REXO1: variants seen among roughly 807,000 people sequenced by gnomAD.
REXO1 encodes RNA exonuclease 1 homolog.
REXO1 carries 42 observed loss-of-function variants against 102.6 expected under a neutral mutation model. The ratio of observed to expected loss-of-function variants is 0.41; its 90% CI spans 0.32 to 0.53. REXO1 has a LOEUF of 0.53. Among genes scored for constraint, REXO1 ranks in the 20% least tolerant of loss-of-function variants. REXO1 has a pLI of 0.27. For synonymous variants in REXO1, 908 were observed against 779.1 expected, an observed-to-expected ratio of 1.17 and a Z score of -2.76; for missense variants, 1,819 against 1,732.5, an observed-to-expected ratio of 1.05 and a Z score of -0.89.
chr19:1,830,435 G>A (rs990373327), intron 1 of REXO1, among the ~76,000 whole-genome samples: 1 of 152,252 alleles, frequency 6.6e-6, no homozygotes, highest in Non-Finnish European at 1.5e-5. Context: ...CTTGAGCCCA[G>A]GGGCTTGAGG....
At position 1,828,050 on chromosome 19, in the gene REXO1, T is replaced by C. The variant is rs1265884100; in HGVS notation, c.739A>G (p.Arg247Gly). The C allele has an allele frequency of 6.2e-7, 1 of 1,612,926 alleles. No individual in the cohort carries two copies. Among genetic ancestry groups the C allele is most frequent in the Non-Finnish European group, 8.5e-7 (1 of 1,179,792 alleles). Residue 247 changes from arginine to glycine, a missense_variant, in exon 2 of 16, where the codon AGG (arginine) becomes GGG (glycine). Transcript: ENST00000170168. Reference protein sequence around the residue: ...LSNYSARHLSRASSRDERAAK... With the variant: ...LSNYSARHLSGASSRDERAAK... ...GCCCGCTCATCCCGGGAGCTGGCCC[T>C]GCTGAGGTGCCGGGCCGAGTAGTTG...
Position 1,826,169 on chromosome 19 carries a change from C to T in REXO1, c.1912-226G>A, listed in dbSNP as rs2069713957. Among the ~76,000 whole-genome samples, 1 of 152,144 alleles carries T rather than the reference C, an allele frequency of 6.6e-6. No homozygotes were observed. Among genetic ancestry groups the T allele is most frequent in the African/African-American group, 2.4e-5 (1 of 41,436 alleles). On this transcript the variant is annotated intron_variant, in intron 2 of 15. Coordinates refer to ENST00000170168, the MANE Select transcript of REXO1 (RefSeq NM_020695.4). This position sits in a 1 kb window ranked among gnomAD's most constrained non-coding sequence, Gnocchi z 4.3. The stretch of plus-strand genomic sequence containing the variant: ...TGCCCAAGGCTACCTCTCCTGGGCA[C>T]CCAGGGCCCCAGCTTGGAGACCCCA...
In REXO1 at chr19:1,816,006, G is replaced by C. The variant is rs1241593172; in HGVS notation, c.*60C>G. On this transcript the variant is annotated 3_prime_UTR_variant, in exon 16 of 16. Coordinates refer to ENST00000170168, the MANE Select transcript of REXO1 (RefSeq NM_020695.4). Reference sequence around the variant, plus strand: ...GGAGATTTATTGCACTGTTTTGGAAGAGGCATGGGGCTAAGGACCAGCGGG... The same window carrying C: ...GGAGATTTATTGCACTGTTTTGGAACAGGCATGGGGCTAAGGACCAGCGGG... 5 of 1,537,576 alleles carry C rather than the reference G, an allele frequency of 3.3e-6. No homozygotes were observed. Among genetic ancestry groups the C allele is most frequent in the Non-Finnish European group, 4.4e-6 (5 of 1,146,984 alleles).
At chr19:1,820,227 C>T in intron 6 of REXO1, 37 bp downstream of exon 6, 1 of 1,596,574 alleles carries the variant, frequency 6.3e-7, no homozygotes, top group South Asian at 1.1e-5. Context: ...CCCCTAGTCC[C>T]CACCCGACCG....
intron 1 of REXO1, among the ~76,000 whole-genome samples, chr19:1,832,002 C>T (rs951419387): frequency 5.3e-5 from 8 of 151,884 alleles, no homozygotes; most frequent in African/African-American, 1.7e-4. Flanking sequence ...CAGGCCACCT[C>T]ACTCAGCCAA....
chr19:1,847,984 T>C (rs1389973800), intron 1 of REXO1, among the ~76,000 whole-genome samples: 2 of 152,198 alleles, frequency 1.3e-5, no homozygotes, highest in Non-Finnish European at 1.5e-5. Flanking sequence ...GTCCTCCTAG[T>C]TGACATTTCA....
In REXO1 at chr19:1,818,843, CCT is replaced by C; in HGVS notation, c.2765-2_2765-1del. The stretch of plus-strand genomic sequence containing the variant: ...CCTGAGGCGGCTGTACAGGGCAGCC[CCT>C]GTGGACAGGCACAGTGGTCAGCCCC... On this transcript the variant is annotated splice_acceptor_variant, in intron 8 of 15. Coordinates refer to ENST00000170168, the MANE Select transcript of REXO1 (RefSeq NM_020695.4). LOFTEE classifies it high-confidence loss of function. 1 of 1,609,274 alleles carries C rather than the reference CCT, an allele frequency of 6.2e-7. No individual in the cohort carries two copies. Among genetic ancestry groups the C allele is most frequent in the Non-Finnish European group, 8.5e-7 (1 of 1,179,598 alleles).
chr19:1,821,026 AAAAAC>A (rs1568685378), intron 5 of REXO1, among the ~76,000 whole-genome samples: 1 of 148,586 alleles, frequency 6.7e-6, no homozygotes, highest in African/African-American at 2.5e-5. Context: ...AACCAACCAA[AAAAAC>A]AAAACAAGAC....
At chr19:1,819,788 C>G (rs1480597164) in intron 7 of REXO1, 146 bp downstream of exon 7, 4 of 877,456 alleles carry the variant, frequency 4.6e-6, no homozygotes, top group Non-Finnish European at 6.5e-6. Context: ...AACCAGGCAG[C>G]AGGCAGCCCC....
intron 1 of REXO1, among the ~76,000 whole-genome samples, chr19:1,836,940 C>T (rs1264661780): frequency 6.6e-6 from 1 of 152,158 alleles, no homozygotes; most frequent in Non-Finnish European, 1.5e-5. Flanking sequence ...TCCCTCCCGC[C>T]TGGGGCTTAG....
rs774644297 is a variant in REXO1, at chr19:1,828,435, C to T, written c.354G>A (p.Glu118=). ...GGGCGGGGGCCTCGGCGGAGCGGTG[C>T]TCACGGGTCGTCTCCAGCAGCTCCC... ...RYRELLETTR[E]HRSAEAPALA... is the part of the protein sequence containing the mutation. Residue 118 remains glutamate, a synonymous_variant, in exon 2 of 16, where the codon GAG becomes GAA. Coordinates refer to ENST00000170168, the MANE Select transcript of REXO1 (RefSeq NM_020695.4). The T allele has an allele frequency of 1.9e-6, 3 of 1,609,174 alleles. No individual in the cohort carries two copies. Among genetic ancestry groups the T allele is most frequent in the Non-Finnish European group, 2.5e-6 (3 of 1,179,128 alleles).
Position 1,848,419 on chromosome 19 carries a change from G to GCGCCGCGGTCGC in REXO1, c.-73_-62dup. 8.8e-7 allele frequency: 1 copy of GCGCCGCGGTCGC among 1,133,190 alleles called. No individual in the cohort carries two copies. Among genetic ancestry groups the GCGCCGCGGTCGC allele is most frequent in the Non-Finnish European group, 1.1e-6 (1 of 920,282 alleles). 70.2% of individuals were successfully genotyped at this position (1,133,190 alleles called of 1,614,324 possible). ...CCCGGGCCCCAGGGCCCCCTCACTG[G>GCGCCGCGGTCGC]CGCCGCGGTCGCCGCCGCCCGCGCC... is the stretch of plus-strand genomic sequence containing the variant. On this transcript the variant is annotated 5_prime_UTR_variant, in exon 1 of 16. Coordinates refer to ENST00000170168, the MANE Select transcript of REXO1 (RefSeq NM_020695.4).
intron 1 of REXO1, among the ~76,000 whole-genome samples, chr19:1,840,928 A>G (rs905949390): frequency 3.3e-5 from 5 of 152,092 alleles, no homozygotes; most frequent in Admixed American, 1.3e-4. Context: ...TCCTCCCCCA[A>G]CCACTCCTTT....
rs2069411248 is a variant in REXO1 at position 1,817,692 on chromosome 19, G to A, written c.3090+15C>T. ...GTTGAGAACAGGCAGAGGGGACTGG[G>A]ACGCCAGGGCTCACCTTTGCGACTT... On this transcript the variant is annotated intron_variant, in intron 11 of 15. Coordinates refer to ENST00000170168, the MANE Select transcript of REXO1 (RefSeq NM_020695.4). The A allele has an allele frequency of 1.2e-6, 2 of 1,610,022 alleles. No homozygotes were observed. The highest frequency in any genetic ancestry group is 2.7e-5 in the African/African-American group (2 of 74,926).
intron 1 of REXO1, among the ~76,000 whole-genome samples, chr19:1,840,389 C>T (rs968745853): frequency 1.3e-5 from 2 of 152,148 alleles, no homozygotes; most frequent in African/African-American, 4.8e-5. Flanking sequence ...AGCTGAGAAT[C>T]GCAGACTGCC....
chr19:1,817,522 G>A (rs1457043692), intron 11 of REXO1, 185 bp downstream of exon 11: 1 of 1,465,896 alleles, frequency 6.8e-7, no homozygotes, highest in Non-Finnish European at 9.0e-7. Context: ...TCCCAGGATG[G>A]GAAGTGGCCA....
chr19:1,830,433 C>G (rs2069871289), intron 1 of REXO1, among the ~76,000 whole-genome samples: 1 of 152,222 alleles, frequency 6.6e-6, no homozygotes, highest in South Asian at 2.1e-4. Flanking sequence ...CACTTGAGCC[C>G]AGGGGCTTGA....
At chr19:1,823,904 G>T in intron 3 of REXO1, 119 bp from the exon 4 acceptor site, 1 of 417,844 alleles carries the variant, frequency 2.4e-6, no homozygotes. Flanking sequence ...CACCTCCCTG[G>T]CTGCCTTCTG....
At chr19:1,846,458 C>T (rs2011544732) in intron 1 of REXO1, among the ~76,000 whole-genome samples, 1 of 152,196 alleles carries the variant, frequency 6.6e-6, no homozygotes, top group Non-Finnish European at 1.5e-5. Context: ...AATGCAGACA[C>T]GCCATGGTAA....
Sources: gnomAD v4.1 joint callset for allele counts (sites outside exome capture counted in the v4.1 genomes callset) on GRCh38, gnomAD v4.1.1 for gene constraint, Gnocchi (gnomAD v3.1) non-coding constraint, MANE v1.5 for transcripts, NCBI Gene and HGNC (gene_info 2026-07-23, HGNC 2026-07-21) for gene names.